Variants in KRABD2 observed in about 807,000 individuals in gnomAD.
KRABD2 encodes the protein KRAB domain-containing protein 2.
the KRABD2 span, chr17:8,369,699 AC>A: frequency 2.2e-5 from 36 of 1,614,104 alleles, no homozygotes; most frequent in Non-Finnish European, 3.1e-5. Context: ...GACACTGACC[AC>A]CTCATGGGCC....
chr17:8,375,820 A>G, the KRABD2 span: 1 of 993,250 alleles, frequency 1.0e-6, no homozygotes, highest in African/African-American at 1.7e-5. Flanking sequence ...GGTGTGATCT[A>G]TGTGACGGCT....
At chr17:8,371,708 T>G in the KRABD2 span, 2 of 1,355,952 alleles carry the variant, frequency 1.5e-6, no homozygotes, top group Non-Finnish European at 1.9e-6. Context: ...AGCCCATTTA[T>G]TAATCTTTCC....
chr17:8,376,388 A>G, the KRABD2 span: 1 of 1,163,278 alleles, frequency 8.6e-7, no homozygotes, highest in African/African-American at 1.6e-5. Context: ...ATTGCTATGA[A>G]GATTCAATGA....
chr17:8,360,883 C>T, the KRABD2 span, among the ~76,000 whole-genome samples: 2 of 152,124 alleles, frequency 1.3e-5, no homozygotes, highest in African/African-American at 4.8e-5. Context: ...CCTTGGCAAA[C>T]CATACTTCAA....
chr17:8,361,676 GCCA>G, the KRABD2 span, among the ~76,000 whole-genome samples: 1 of 152,108 alleles, frequency 6.6e-6, no homozygotes, highest in African/African-American at 2.4e-5. Context: ...TTCCACCTCA[GCCA>G]CCCAAGTAGC....
chr17:8,370,035 A>C, the KRABD2 span: 1 of 1,614,060 alleles, frequency 6.2e-7, no homozygotes, highest in South Asian at 1.1e-5. Flanking sequence ...AATATCAAAC[A>C]ACTCTTCCTT....
chr17:8,376,449 C>T, the KRABD2 span: 12 of 1,029,606 alleles, frequency 1.2e-5, no homozygotes, highest in Non-Finnish European at 9.3e-6. Flanking sequence ...CCACACCACA[C>T]GGGCACGCCC....
At chr17:8,375,460 G>A in the KRABD2 span, among the ~76,000 whole-genome samples, 1 of 152,130 alleles carries the variant, frequency 6.6e-6, no homozygotes, top group Non-Finnish European at 1.5e-5. Context: ...AGCCCAGGAC[G>A]TCGGGACCTA....
chr17:8,376,160 G>A, the KRABD2 span: 1 of 1,231,554 alleles, frequency 8.1e-7, no homozygotes, highest in Admixed American at 4.2e-5. Flanking sequence ...GAGGGCCCAC[G>A]AATACAGAGC....
the KRABD2 span, among the ~76,000 whole-genome samples, chr17:8,374,175 C>T: frequency 6.6e-6 from 1 of 152,126 alleles, no homozygotes; most frequent in Non-Finnish European, 1.5e-5. Context: ...GCGGTTGTGT[C>T]GAATAGAAAA....
At chr17:8,361,604 CT>C in the KRABD2 span, among the ~76,000 whole-genome samples, 2 of 152,138 alleles carry the variant, frequency 1.3e-5, no homozygotes, top group Non-Finnish European at 1.5e-5. Context: ...TTTTTTTCCC[CT>C]GAAGGGCTGT....
the KRABD2 span, chr17:8,369,332 C>T: frequency 6.2e-7 from 1 of 1,614,198 alleles, no homozygotes; most frequent in Non-Finnish European, 8.5e-7. Flanking sequence ...CCACAGTTTC[C>T]CGGGGCAAGT....
chr17:8,358,930 C>T, the KRABD2 span, among the ~76,000 whole-genome samples: 2 of 152,182 alleles, frequency 1.3e-5, no homozygotes, highest in African/African-American at 2.4e-5. Context: ...CAATATTATA[C>T]TCTTCAGACA....
At chr17:8,369,481 T>G in the KRABD2 span, 1 of 1,614,088 alleles carries the variant, frequency 6.2e-7, no homozygotes, top group Non-Finnish European at 8.5e-7. Context: ...GAGTGGTTAC[T>G]CTGCATCCAG....
At chr17:8,374,199 G>C in the KRABD2 span, among the ~76,000 whole-genome samples, 423 of 142,820 alleles carry the variant, frequency 3.0e-3, 1 homozygote, top group African/African-American at 0.012. Context: ...GGAAATGTGG[G>C]GAAAAGAAAG....
chr17:8,363,855 A>T, the KRABD2 span, among the ~76,000 whole-genome samples: 51 of 67,748 alleles, frequency 7.5e-4, 2 homozygotes, highest in African/African-American at 2.2e-3. Flanking sequence ...ATATATATAT[A>T]TATATATTTA....
chr17:8,359,635 G>A, the KRABD2 span: 2 of 455,992 alleles, frequency 4.4e-6, no homozygotes, highest in African/African-American at 4.0e-5. Context: ...GAATGACAGT[G>A]GATTTCAGAG....
the KRABD2 span, among the ~76,000 whole-genome samples, chr17:8,373,081 T>A: frequency 3.9e-5 from 6 of 152,172 alleles, no homozygotes; most frequent in Non-Finnish European, 7.4e-5. Flanking sequence ...CTAGTGATTT[T>A]AAAAAAATTT....
chr17:8,364,018 G>A, the KRABD2 span, among the ~76,000 whole-genome samples: 4 of 151,494 alleles, frequency 2.6e-5, no homozygotes, highest in Non-Finnish European at 5.9e-5. This position sits in a 1 kb window ranked among gnomAD's most constrained non-coding sequence, Gnocchi z 4.4. Context: ...ACAGGCGCCT[G>A]CCACCACACC....
Sources: allele counts gnomAD v4.1 joint callset (sites outside exome capture counted in the v4.1 genomes callset), GRCh38; gene constraint gnomAD v4.1.1; non-coding constraint Gnocchi (gnomAD v3.1); transcripts MANE v1.5; gene names NCBI Gene and HGNC (gene_info 2026-07-23, HGNC 2026-07-21).